The following GDAP2 variants were observed in gnomAD, a reference collection of about 807,000 sequenced individuals.
The protein encoded by GDAP2 is ganglioside-induced differentiation-associated protein 2.
A neutral mutation model predicts 67.0 loss-of-function variants in GDAP2; 51 were observed. That is an observed-to-expected ratio of 0.76 (90% confidence interval 0.61 to 0.96). The LOEUF (loss-of-function observed/expected upper bound fraction) is 0.96, where lower values mean the gene tolerates loss of function less well. Ranked by LOEUF, GDAP2 falls within the 40% of genes least tolerant of loss-of-function variation. The probability of loss-of-function intolerance (pLI) is 0.00; values close to 1 mark genes in which losing one functional copy is unlikely to be tolerated. For missense variants in GDAP2, 547 were observed against 588.3 expected, an observed-to-expected ratio of 0.93 and a Z score of 0.73; for synonymous variants, 203 against 207.3, an observed-to-expected ratio of 0.98 and a Z score of 0.18.
At chr1:117,907,193 T>C (rs981975254) in intron 5 of GDAP2, among the ~76,000 whole-genome samples, 2 of 152,216 alleles carry the variant, frequency 1.3e-5, no homozygotes, top group Non-Finnish European at 2.9e-5. Flanking sequence ...TCTTAACTCA[T>C]TGGATCTCTC....
chr1:117,920,642 C>T (rs1247938364), intron 1 of GDAP2, among the ~76,000 whole-genome samples: 1 of 150,154 alleles, frequency 6.7e-6, no homozygotes, highest in African/African-American at 2.5e-5. Context: ...AAATTCTTTT[C>T]AAAGAATTAC....
At chr1:117,902,249 C>G (rs1649504390) in intron 6 of GDAP2, among the ~76,000 whole-genome samples, 2 of 152,206 alleles carry the variant, frequency 1.3e-5, no homozygotes, top group Admixed American at 1.3e-4. Context: ...TGAAACATGT[C>G]TGTTCAAAAC....
intron 12 of GDAP2, among the ~76,000 whole-genome samples, chr1:117,879,321 C>A (rs1648572177): frequency 6.6e-6 from 1 of 152,108 alleles, no homozygotes; most frequent in East Asian, 1.9e-4. Context: ...TTTGCTAACA[C>A]AGAAAACACA....
chr1:117,906,372 G>C, intron 6 of GDAP2, 134 bp downstream of exon 6: 1 of 578,496 alleles, frequency 1.7e-6, no homozygotes, highest in Non-Finnish European at 3.1e-6. Flanking sequence ...ATGATTGTAA[G>C]ACCCACTGTC....
At chr1:117,876,831 A>G (rs1648472620) in intron 13 of GDAP2, among the ~76,000 whole-genome samples, 1 of 152,214 alleles carries the variant, frequency 6.6e-6, no homozygotes, top group South Asian at 2.1e-4. Context: ...CCCAACTTAT[A>G]TATTTCTATC....
intron 8 of GDAP2, among the ~76,000 whole-genome samples, chr1:117,888,772 C>A (rs1439641580): frequency 6.6e-6 from 1 of 152,096 alleles, no homozygotes; most frequent in Non-Finnish European, 1.5e-5. Context: ...GCTTTCGGTG[C>A]AAACTTACTA....
chr1:117,912,023 G>T lies in GDAP2; in HGVS notation c.530C>A (p.Pro177His). The T allele has an allele frequency of 6.2e-7, 1 of 1,601,918 alleles. No individual in the cohort carries two copies. Among genetic ancestry groups the T allele is most frequent in the Non-Finnish European group, 8.6e-7 (1 of 1,169,098 alleles). Residue 177 changes from proline to histidine, a missense_variant, in exon 5 of 14, where the codon CCT becomes CAT. Transcript: ENST00000369443. ...CVINSAKRGY[P>H]LEDATHIALR... ...TGCTATGTGTGTTGCATCCTCTAAA[G>T]GATAACCACGTTTTGCAGAATTGAT...
At chr1:117,882,012 G>T in intron 11 of GDAP2, 135 bp from the exon 12 acceptor site, 1 of 578,406 alleles carries the variant, frequency 1.7e-6, no homozygotes, top group Non-Finnish European at 3.1e-6. Flanking sequence ...ATAATTTACA[G>T]ATTGAATTTT....
chr1:117,910,736 G>T (rs901804114), intron 5 of GDAP2, among the ~76,000 whole-genome samples: 7 of 152,172 alleles, frequency 4.6e-5, no homozygotes, highest in Non-Finnish European at 1.0e-4. Context: ...TGTAACCTCT[G>T]CATGAATGTT....
At chr1:117,909,710 T>C (rs1054358677) in intron 5 of GDAP2, among the ~76,000 whole-genome samples, 3 of 152,202 alleles carry the variant, frequency 2.0e-5, no homozygotes, top group Admixed American at 1.3e-4. Flanking sequence ...TTTTTGCTAA[T>C]TATATTTCTA....
At chr1:117,903,165 G>T (rs77044367) in intron 6 of GDAP2, among the ~76,000 whole-genome samples, 1,632 of 150,646 alleles carry the variant, frequency 0.011, 27 homozygotes, top group African/African-American at 0.038. Context: ...TGTTTGTTTG[G>T]TTTTTTTTTG....
At chr1:117,886,841 A>T (rs1487750229) in intron 9 of GDAP2, among the ~76,000 whole-genome samples, 188 bp from the exon 10 acceptor site, 1 of 152,112 alleles carries the variant, frequency 6.6e-6, no homozygotes, top group Non-Finnish European at 1.5e-5. Flanking sequence ...TTAAAGCTTC[A>T]TGAGGGTTTT....
chr1:117,927,295 T>C (rs535392307), intron 1 of GDAP2, among the ~76,000 whole-genome samples: 1 of 152,290 alleles, frequency 6.6e-6, no homozygotes, highest in Admixed American at 6.5e-5. Flanking sequence ...AATAATTGGA[T>C]TGGCTAGAGA....
chr1:117,876,898 G>A (rs1181689943), intron 13 of GDAP2, among the ~76,000 whole-genome samples: 1 of 152,102 alleles, frequency 6.6e-6, no homozygotes, highest in Non-Finnish European at 1.5e-5. Flanking sequence ...AAAATTTTGA[G>A]TGTAAAAATG....
intron 12 of GDAP2, among the ~76,000 whole-genome samples, chr1:117,879,212 C>T (rs1241399596): frequency 6.6e-6 from 1 of 152,144 alleles, no homozygotes; most frequent in African/African-American, 2.4e-5. Flanking sequence ...ATTGTAAACA[C>T]ACAGAACTGA....
chr1:117,912,762 G>C (rs925365202), intron 3 of GDAP2, 79 bp from the exon 4 acceptor site: 1 of 1,229,702 alleles, frequency 8.1e-7, no homozygotes, highest in Admixed American at 1.9e-5. Context: ...ATGAAACAGA[G>C]AAAGTATTGA....
At chr1:117,884,091 C>A (rs1648764792) in intron 10 of GDAP2, among the ~76,000 whole-genome samples, 1 of 152,174 alleles carries the variant, frequency 6.6e-6, no homozygotes, top group African/African-American at 2.4e-5. Flanking sequence ...ATGGCCTGCA[C>A]ATAACCAAGA....
At chr1:117,892,930 T>C (rs1336755639) in intron 8 of GDAP2, among the ~76,000 whole-genome samples, 4 of 152,168 alleles carry the variant, frequency 2.6e-5, no homozygotes, top group African/African-American at 7.2e-5. Context: ...AAGATCTTTG[T>C]TGTATCCTCT....
intron 13 of GDAP2, among the ~76,000 whole-genome samples, chr1:117,874,424 A>G (rs1391158297): frequency 6.6e-6 from 1 of 152,218 alleles, no homozygotes; most frequent in Non-Finnish European, 1.5e-5. Context: ...GACCATGAGT[A>G]GAAGCAGCCT....
Sources: allele counts gnomAD v4.1 joint callset (sites outside exome capture counted in the v4.1 genomes callset), GRCh38; gene constraint gnomAD v4.1.1; transcripts MANE v1.5; gene names NCBI Gene and HGNC (gene_info 2026-07-23, HGNC 2026-07-21).